Variants in FAM20A observed in about 807,000 individuals in gnomAD.
The protein encoded by FAM20A is pseudokinase FAM20A.
In FAM20A, 42 loss-of-function variants were observed where a neutral mutation model predicts 52.0. That is an observed-to-expected ratio of 0.81 (90% confidence interval 0.63 to 1.04). The LOEUF is 1.04. Ranked by LOEUF, FAM20A falls within the 50% of genes least tolerant of loss-of-function variation. FAM20A has a pLI of 0.00. For missense variants in FAM20A, 742 were observed against 712.7 expected (o/e 1.04, Z -0.47); for synonymous variants, 304 against 298.9 (o/e 1.02, Z -0.18).
chr17:68,594,376 G>A (rs1333842612), intron 1 of FAM20A, among the ~76,000 whole-genome samples: 1 of 151,196 alleles, frequency 6.6e-6, no homozygotes, highest in Non-Finnish European at 1.5e-5. Flanking sequence ...TCCAGCCTGG[G>A]CGACAGAGCG....
intron 1 of FAM20A, among the ~76,000 whole-genome samples, chr17:68,581,348 G>GTTTTTCTTTC (rs2087940988): frequency 1.3e-5 from 1 of 75,080 alleles, no homozygotes; most frequent in African/African-American, 5.1e-5. Flanking sequence ...CCGAAATGCA[G>GTTTTTCTTTC]TTTTTCTTTC....
intron 1 of FAM20A, among the ~76,000 whole-genome samples, chr17:68,597,456 C>T (rs535214343): frequency 2.8e-4 from 43 of 152,110 alleles, no homozygotes; most frequent in African/African-American, 1.0e-3. Context: ...ACGATCTCTG[C>T]TGACTGCAAC....
At position 68,555,619 on chromosome 17, in the gene FAM20A, A is replaced by G; in HGVS notation, c.529T>C (p.Ser177Pro). 1 of 1,613,634 alleles carries G rather than the reference A, an allele frequency of 6.2e-7. No homozygotes were observed. The highest frequency in any genetic ancestry group is 8.5e-7 in the Non-Finnish European group (1 of 1,180,036). Residue 177 changes from serine (S) to proline (P), a missense_variant, in exon 2 of 11, where the codon TCC becomes CCC. Physicochemically the swap from Ser to Pro is moderately conservative, Grantham distance 74 (BLOSUM62 -1). Coordinates refer to ENST00000592554, the MANE Select transcript of FAM20A (RefSeq NM_017565.4). ...GINRHGLYSR[S>P]SPVVSKLLQD... ...AGAAGTTTGCTGACAACAGGGCTGG[A>G]CCGGGAGTAGAGCCCATGGCGGTTA...
At position 68,542,824 on chromosome 17, in the gene FAM20A, G is replaced by C; in HGVS notation, c.813-15C>G. On this transcript the variant is annotated splice_polypyrimidine_tract_variant and intron_variant, in intron 5 of 10. Coordinates refer to ENST00000592554, the MANE Select transcript of FAM20A (RefSeq NM_017565.4). ...AGTCCAGAATCCTGCAAGAGAGGAAGCTCTGTTCCATCTGAGGGATGATCA... is the reference window on the plus strand; with the variant it reads ...AGTCCAGAATCCTGCAAGAGAGGAACCTCTGTTCCATCTGAGGGATGATCA... 2 of 1,587,262 alleles carry C rather than the reference G, an allele frequency of 1.3e-6. No individual in the cohort carries two copies. The highest frequency in any genetic ancestry group is 1.7e-6 in the Non-Finnish European group (2 of 1,155,708).
intron 1 of FAM20A, among the ~76,000 whole-genome samples, chr17:68,588,216 AT>A (rs1209739349): frequency 1.3e-5 from 2 of 152,074 alleles, no homozygotes; most frequent in Non-Finnish European, 2.9e-5. Context: ...TGAACTAGAT[AT>A]TTTGCTTTAA....
chr17:68,590,691 TG>T (rs1248052493), intron 1 of FAM20A, among the ~76,000 whole-genome samples: 3 of 152,236 alleles, frequency 2.0e-5, no homozygotes, highest in African/African-American at 7.2e-5. Context: ...TAGGAGTCAG[TG>T]ACTGTAGCAG....
At chr17:68,552,040 C>T (rs527612779) in intron 3 of FAM20A, 89 bp from the exon 4 acceptor site, 20 of 822,132 alleles carry the variant, frequency 2.4e-5, no homozygotes, top group Admixed American at 1.4e-4. Context: ...CAGCTGACTT[C>T]GCTTTCCTCT....
rs773554835 is a variant in FAM20A at position 68,539,392 on chromosome 17, C to T, written c.1306G>A (p.Gly436Arg). 1.5e-5 allele frequency: 25 copies of T among 1,614,000 alleles called. No individual in the cohort carries two copies. Among genetic ancestry groups the T allele is most frequent in the African/African-American group, 5.3e-5 (4 of 74,902 alleles). The change falls in exon 10 of 11, where the codon GGA becomes AGA. Residue 436 changes from glycine (G) to arginine (R), a missense_variant. Physicochemically the swap from Gly to Arg is moderately radical, Grantham distance 125 (BLOSUM62 -2). Coordinates refer to ENST00000592554, the MANE Select transcript of FAM20A (RefSeq NM_017565.4). ...LIHLDNARGFGRHSHDEISIL... is the reference protein window; with the variant it reads ...LIHLDNARGFRRHSHDEISIL... ...GAGATTTCATCATGGGAGTGTCGTC[C>T]GAACCTAGGAGGAGAAACAGGCTTT... is the stretch of plus-strand genomic sequence containing the variant.
chr17:68,546,037 C>T (rs560225923), intron 4 of FAM20A, among the ~76,000 whole-genome samples: 15 of 151,202 alleles, frequency 9.9e-5, no homozygotes, highest in South Asian at 8.3e-4. Flanking sequence ...GGCATGGTGG[C>T]GCATGCCTGT....
rs118146903 is a variant in FAM20A at position 68,538,467 on chromosome 17, A to G, written c.1362-726T>C. Reference sequence around the variant, plus strand: ...GATGTTTTTGCTAGGTGTGAATATCATATTTATAATTAGCTCTGCATACTG... The same window carrying G: ...GATGTTTTTGCTAGGTGTGAATATCGTATTTATAATTAGCTCTGCATACTG... On this transcript the variant is annotated intron_variant, in intron 10 of 10. Transcript: ENST00000592554. Among the ~76,000 whole-genome samples, 26 of 152,342 alleles carry G rather than the reference A, an allele frequency of 1.7e-4. 1 individual carries two copies. The East Asian group carries it at 4.8e-3, about 28-fold the overall frequency.
At chr17:68,599,704 T>TGACC (rs1295099596) in intron 1 of FAM20A, among the ~76,000 whole-genome samples, 1 of 152,198 alleles carries the variant, frequency 6.6e-6, no homozygotes, top group Non-Finnish European at 1.5e-5. Flanking sequence ...CTGCCTCAGA[T>TGACC]GACCCCCTTG....
intron 1 of FAM20A, among the ~76,000 whole-genome samples, chr17:68,588,221 G>A (rs1024254131): frequency 1.3e-5 from 2 of 152,170 alleles, no homozygotes; most frequent in African/African-American, 4.8e-5. Flanking sequence ...TAGATATTTT[G>A]CTTTAAGGAG....
intron 1 of FAM20A, among the ~76,000 whole-genome samples, chr17:68,583,730 T>C (rs997227896): frequency 1.3e-5 from 2 of 151,944 alleles, no homozygotes; most frequent in South Asian, 2.1e-4. Context: ...AGTGAAACCC[T>C]GTCTCTACTA....
chr17:68,591,901 G>GC (rs1184730150), intron 1 of FAM20A: 1 of 151,920 alleles, frequency 6.6e-6, no homozygotes, highest in Non-Finnish European at 1.5e-5. Context: ...TTTCCTTTTT[G>GC]CCCAGTAAAT....
intron 1 of FAM20A, among the ~76,000 whole-genome samples, chr17:68,596,499 G>A (rs931006246): frequency 6.6e-6 from 1 of 152,196 alleles, no homozygotes; most frequent in African/African-American, 2.4e-5. Context: ...TCTGACTTGG[G>A]CAGCTTGTGG....
At position 68,535,301 on chromosome 17, in the gene FAM20A, A is replaced by G. The variant is rs909891419; in HGVS notation, c.*2176T>C. The G allele has an allele frequency of 6.6e-6, 3 of 454,030 alleles. No homozygotes were observed. The highest frequency in any genetic ancestry group is 6.0e-5 in the African/African-American group (3 of 50,008). The allele number at this position is 454,030 out of a possible 1,614,324, so 28.1% of individuals were successfully genotyped here. ...GTGAATAATAAGGTAGGTGTACCAC[A>G]TATCATGGTGAAATTCAAGCCTATT... On this transcript the variant is annotated 3_prime_UTR_variant, in exon 11 of 11. Coordinates refer to ENST00000592554, the MANE Select transcript of FAM20A (RefSeq NM_017565.4).
chr17:68,550,563 T>C (rs2086791133), intron 4 of FAM20A, among the ~76,000 whole-genome samples: 1 of 151,894 alleles, frequency 6.6e-6, no homozygotes, highest in South Asian at 2.1e-4. Flanking sequence ...GTATTTTTGG[T>C]AGAGATGGGG....
rs956706341 is a variant in FAM20A at position 68,536,244 on chromosome 17, A to T, written c.*1233T>A. 4 of 453,978 alleles carry T rather than the reference A, an allele frequency of 8.8e-6. No individual in the cohort carries two copies. The highest frequency in any genetic ancestry group is 8.0e-5 in the African/African-American group (4 of 49,996). 28.1% of individuals were successfully genotyped at this position (453,978 alleles called of 1,614,324 possible). Reference sequence around the variant, plus strand: ...TTAGTGACAGCTCCATTCTATTCTCATGCTTACAGTATTTGAACTCTGGCC... The same window carrying T: ...TTAGTGACAGCTCCATTCTATTCTCTTGCTTACAGTATTTGAACTCTGGCC... On this transcript the variant is annotated 3_prime_UTR_variant, in exon 11 of 11. Coordinates refer to ENST00000592554, the MANE Select transcript of FAM20A (RefSeq NM_017565.4).
At chr17:68,575,791 T>TACACAC (rs761949775) in intron 1 of FAM20A, among the ~76,000 whole-genome samples, 9,393 of 104,038 alleles carry the variant, frequency 0.09, 523 homozygotes, top group African/African-American at 0.12. Context: ...TTTTATATTA[T>TACACAC]ACACACACAC....
Sources: allele counts gnomAD v4.1 joint callset (sites outside exome capture counted in the v4.1 genomes callset), GRCh38; gene constraint gnomAD v4.1.1; transcripts MANE v1.5; gene names NCBI Gene and HGNC (gene_info 2026-07-23, HGNC 2026-07-21).